Variants in CAPZA2 observed in about 807,000 individuals in gnomAD.
The protein encoded by CAPZA2 is capping actin protein of muscle Z-line subunit alpha 2.
CAPZA2 carries 13 observed loss-of-function variants against 44.0 expected under a neutral mutation model. The ratio of observed to expected loss-of-function variants is 0.30; its 90% CI spans 0.19 to 0.47. The LOEUF (loss-of-function observed/expected upper bound fraction) is 0.47, where lower values mean the gene tolerates loss of function less well. Ranked by LOEUF, CAPZA2 falls within the 20% of genes least tolerant of loss-of-function variation. The pLI, the probability that CAPZA2 is intolerant of heterozygous loss-of-function variation, is 1.00. For missense variants in CAPZA2, 244 were observed against 338.6 expected, an observed-to-expected ratio of 0.72 and a Z score of 2.19; for synonymous variants, 94 against 108.2, an observed-to-expected ratio of 0.87 and a Z score of 0.81.
chr7:116,903,340 A>G (rs746590880), intron 4 of CAPZA2, among the ~76,000 whole-genome samples: 3 of 151,792 alleles, frequency 2.0e-5, no homozygotes, highest in Non-Finnish European at 4.4e-5. Context: ...CCTTTTGGCT[A>G]AGATCAAGTG....
At chr7:116,906,124 A>G (rs950080731) in intron 5 of CAPZA2, 139 bp from the exon 6 acceptor site, 4 of 1,289,876 alleles carry the variant, frequency 3.1e-6, no homozygotes, top group African/African-American at 3.1e-5. Flanking sequence ...TCTAGCTACT[A>G]TATTGGAATG....
intron 2 of CAPZA2, among the ~76,000 whole-genome samples, chr7:116,889,574 A>AG (rs1733798453): frequency 2.6e-5 from 4 of 152,180 alleles, no homozygotes; most frequent in Admixed American, 6.5e-5. Flanking sequence ...ACCAAAAAAA[A>AG]AAAAAAAGAT....
chr7:116,904,742 C>T (rs896580383), intron 5 of CAPZA2: 1 of 167,834 alleles, frequency 6.0e-6, no homozygotes, highest in Non-Finnish European at 1.3e-5. Flanking sequence ...AATAAAATTA[C>T]TTGGAAGTAA....
chr7:116,884,812 A>G (rs530445177), intron 1 of CAPZA2, among the ~76,000 whole-genome samples: 3 of 152,260 alleles, frequency 2.0e-5, no homozygotes, highest in African/African-American at 7.2e-5. Context: ...GCTTAATTTT[A>G]TAAGAAATGG....
In CAPZA2 at chr7:116,904,202, T is replaced by G; in HGVS notation, c.245T>G (p.Leu82Trp). The G allele has an allele frequency of 1.2e-6, 2 of 1,613,576 alleles. No individual in the cohort carries two copies. Among genetic ancestry groups the G allele is most frequent in the Non-Finnish European group, 1.7e-6 (2 of 1,179,626 alleles). The change falls in exon 5 of 10, where the codon TTG becomes TGG. Residue 82 changes from leucine (L) to tryptophan (W), a missense_variant. Leu to Trp is a moderately conservative substitution (Grantham distance 61, BLOSUM62 -2). Transcript: ENST00000361183. ...GTATTGATAACAGAACATGGCGACT[T>G]GGGAAATGGAAAGTTTTTGGATCCA... ...DQVLITEHGD[L>W]GNGKFLDPKN...
At chr7:116,875,581 C>T (rs934009006) in intron 1 of CAPZA2, 5 of 151,178 alleles carry the variant, frequency 3.3e-5, no homozygotes, top group African/African-American at 1.2e-4. Flanking sequence ...GGGTCTTGCT[C>T]TGTCAGCCAA....
At chr7:116,908,537 A>G (rs528442822) in intron 6 of CAPZA2, among the ~76,000 whole-genome samples, 16 of 152,214 alleles carry the variant, frequency 1.1e-4, no homozygotes, top group Non-Finnish European at 1.9e-4. Context: ...AAAGAGTACT[A>G]TCTACTCAGT....
At chr7:116,882,967 G>A (rs1477663839) in intron 1 of CAPZA2, among the ~76,000 whole-genome samples, 5 of 152,028 alleles carry the variant, frequency 3.3e-5, no homozygotes, top group African/African-American at 4.8e-5. Context: ...ACCATGCCCC[G>A]AAAATCCAGA....
At chr7:116,879,689 C>T (rs1255964084) in intron 1 of CAPZA2, among the ~76,000 whole-genome samples, 1 of 152,114 alleles carries the variant, frequency 6.6e-6, no homozygotes, top group Non-Finnish European at 1.5e-5. Context: ...TCCTCACCTC[C>T]CTGCTGTGTG....
intron 3 of CAPZA2, among the ~76,000 whole-genome samples, chr7:116,896,291 G>A (rs903070585): frequency 6.6e-6 from 1 of 152,074 alleles, no homozygotes; most frequent in Non-Finnish European, 1.5e-5. Flanking sequence ...AGCAAAATTA[G>A]CCATACTGAA....
intron 8 of CAPZA2, among the ~76,000 whole-genome samples, chr7:116,915,164 A>ATGG (rs1408122262): frequency 6.6e-6 from 1 of 151,548 alleles, no homozygotes; most frequent in Non-Finnish European, 1.5e-5. Context: ...TGAGACGGGA[A>ATGG]TGGTGGCACA....
intron 6 of CAPZA2, among the ~76,000 whole-genome samples, chr7:116,909,518 T>G (rs1315270234): frequency 1.3e-5 from 2 of 152,046 alleles, no homozygotes; most frequent in African/African-American, 4.8e-5. Flanking sequence ...CAAAAATCAT[T>G]TCAGGAGCAG....
At chr7:116,906,670 A>G (rs1413462719) in intron 6 of CAPZA2, 1 of 209,302 alleles carries the variant, frequency 4.8e-6, no homozygotes, top group Non-Finnish European at 9.4e-6. Context: ...ACTTATGTGC[A>G]GGAGAACAAA....
At chr7:116,863,616 G>A (rs1018476283) in intron 1 of CAPZA2, among the ~76,000 whole-genome samples, 4 of 152,174 alleles carry the variant, frequency 2.6e-5, no homozygotes, top group Non-Finnish European at 5.9e-5. Flanking sequence ...GGGTGGTGGG[G>A]TAGGGGAGAA....
intron 5 of CAPZA2, among the ~76,000 whole-genome samples, chr7:116,905,668 C>T (rs1401916285): frequency 6.6e-6 from 1 of 152,068 alleles, no homozygotes; most frequent in African/African-American, 2.4e-5. Flanking sequence ...GGAGGAATAA[C>T]GAGAGTTAAG....
At chr7:116,914,647 G>A (rs553269459) in intron 8 of CAPZA2, among the ~76,000 whole-genome samples, 181 of 152,120 alleles carry the variant, frequency 1.2e-3, no homozygotes, top group African/African-American at 4.1e-3. Flanking sequence ...TTGTAGAGAT[G>A]GGGTCTCACC....
intron 5 of CAPZA2, 49 bp from the exon 6 acceptor site, chr7:116,906,214 A>G (rs747541885): frequency 1.3e-6 from 2 of 1,584,736 alleles, no homozygotes; most frequent in African/African-American, 2.7e-5. Context: ...AAAGTTGGAC[A>G]TTCCATGGCC....
At chr7:116,883,982 T>G (rs1330126882) in intron 1 of CAPZA2, among the ~76,000 whole-genome samples, 1 of 152,200 alleles carries the variant, frequency 6.6e-6, no homozygotes, top group Non-Finnish European at 1.5e-5. Context: ...ATTTTTAATT[T>G]TTGCCTGTGA....
intron 4 of CAPZA2, among the ~76,000 whole-genome samples, chr7:116,899,781 A>C (rs1227013628): frequency 6.6e-6 from 1 of 151,558 alleles, no homozygotes; most frequent in Non-Finnish European, 1.5e-5. Context: ...GTGTCTTTTA[A>C]AAATGTTAGA....
Sources: allele counts gnomAD v4.1 joint callset (sites outside exome capture counted in the v4.1 genomes callset), GRCh38; gene constraint gnomAD v4.1.1; transcripts MANE v1.5; gene names NCBI Gene and HGNC (gene_info 2026-07-23, HGNC 2026-07-21).